CSMD1: variants seen among roughly 807,000 people sequenced by gnomAD.
The protein encoded by CSMD1 is CUB and Sushi multiple domains 1, also known as CUB and sushi domain-containing protein 1.
In CSMD1, 213 loss-of-function variants were observed where a neutral mutation model predicts 417.5. The ratio of observed to expected loss-of-function variants is 0.51; its 90% confidence interval spans 0.46 to 0.57. The LOEUF (loss-of-function observed/expected upper bound fraction) is 0.57, where lower values mean the gene tolerates loss of function less well. Ranked by LOEUF, CSMD1 falls within the 20% of genes least tolerant of loss-of-function variation. CSMD1 has a pLI of 0.00. For missense variants in CSMD1, 6,923 were observed against 4,529.7 expected (o/e 1.53, Z -15.17); for synonymous variants, 2,862 against 1,736.8 (o/e 1.65, Z -16.11).
chr8:4,869,600 T>G (rs895473787), intron 1 of CSMD1, among the ~76,000 whole-genome samples: 2 of 152,094 alleles, frequency 1.3e-5, no homozygotes, highest in Non-Finnish European at 2.9e-5. Flanking sequence ...GTTTAGTTAA[T>G]GATCACATTC....
At chr8:2,983,377 A>T (rs1289873761) in intron 54 of CSMD1, among the ~76,000 whole-genome samples, 3 of 151,974 alleles carry the variant, frequency 2.0e-5, no homozygotes, top group Non-Finnish European at 4.4e-5. Flanking sequence ...TAGTAGAGAC[A>T]GAGTTTCACT....
chr8:4,911,387 C>G (rs1390064165), intron 1 of CSMD1, among the ~76,000 whole-genome samples: 1 of 152,208 alleles, frequency 6.6e-6, no homozygotes, highest in Non-Finnish European at 1.5e-5. Context: ...GTTGGTCTTT[C>G]TCTAGATTTG....
chr8:3,022,634 A>T (rs1463056153), intron 51 of CSMD1, among the ~76,000 whole-genome samples: 1 of 152,126 alleles, frequency 6.6e-6, no homozygotes, highest in Non-Finnish European at 1.5e-5. Context: ...GAGTGTGACA[A>T]ATAAACATAA....
chr8:4,105,203 AG>A (rs1801506514), intron 3 of CSMD1, among the ~76,000 whole-genome samples: 1 of 152,208 alleles, frequency 6.6e-6, no homozygotes, highest in Admixed American at 6.5e-5. Flanking sequence ...GATTATTCCA[AG>A]GGCAGAAAAA....
At chr8:3,190,185 G>C (rs1796328095) in intron 33 of CSMD1, 70 bp from the exon 34 acceptor site, 1 of 1,208,806 alleles carries the variant, frequency 8.3e-7, no homozygotes, top group Non-Finnish European at 1.2e-6. Flanking sequence ...GTGGAACGTG[G>C]GTTTAAGATG....
At chr8:4,117,471 A>G (rs1193553262) in intron 3 of CSMD1, among the ~76,000 whole-genome samples, 1 of 152,028 alleles carries the variant, frequency 6.6e-6, no homozygotes, top group Non-Finnish European at 1.5e-5. Flanking sequence ...TCGTCTTAAT[A>G]AATGATGCAC....
chr8:4,479,833 G>T (rs117326318), intron 2 of CSMD1, among the ~76,000 whole-genome samples: 12 of 151,740 alleles, frequency 7.9e-5, no homozygotes, highest in Admixed American at 2.6e-4. Context: ...GCGTGGTGGC[G>T]CCCACTCCTT....
intron 1 of CSMD1, among the ~76,000 whole-genome samples, chr8:4,914,917 G>T (rs750581132): frequency 6.6e-6 from 1 of 152,064 alleles, no homozygotes; most frequent in Non-Finnish European, 1.5e-5. Context: ...CAGAAAACAG[G>T]AACAGAACAT....
intron 10 of CSMD1, among the ~76,000 whole-genome samples, chr8:3,572,241 A>G (rs1799975172): frequency 6.6e-6 from 1 of 152,162 alleles, no homozygotes; most frequent in South Asian, 2.1e-4. Context: ...CTGTGTCAAA[A>G]GGAGGAGAAG....
chr8:3,570,977 T>C (rs548842440), intron 10 of CSMD1, among the ~76,000 whole-genome samples: 40 of 152,304 alleles, frequency 2.6e-4, no homozygotes, highest in African/African-American at 9.4e-4. Flanking sequence ...ATCTTTCATA[T>C]AGAATAAAAA....
chr8:4,450,128 A>G (rs1799049782), intron 2 of CSMD1, among the ~76,000 whole-genome samples: 1 of 152,094 alleles, frequency 6.6e-6, no homozygotes, highest in Admixed American at 6.5e-5. Flanking sequence ...TTCTTTGTCC[A>G]TTGTTTTCCA....
At chr8:3,042,646 T>G (rs79893075) in intron 50 of CSMD1, among the ~76,000 whole-genome samples, 1 of 152,116 alleles carries the variant, frequency 6.6e-6, no homozygotes, top group African/African-American at 2.4e-5. Flanking sequence ...CCGAGCAACC[T>G]TGGGAAAGGT....
intron 5 of CSMD1, among the ~76,000 whole-genome samples, chr8:3,896,678 T>A (rs1185281440): frequency 6.6e-6 from 1 of 151,908 alleles, no homozygotes; most frequent in East Asian, 1.9e-4. Context: ...CACTGGCTAA[T>A]TTTTCTTATT....
chr8:4,568,011 A>G (rs536113076), intron 2 of CSMD1, among the ~76,000 whole-genome samples: 54 of 152,362 alleles, frequency 3.5e-4, no homozygotes, highest in African/African-American at 1.3e-3. Flanking sequence ...ACAGGGCTGG[A>G]TCAGAGCCCA....
At chr8:4,915,084 T>C (rs1057022705) in intron 1 of CSMD1, among the ~76,000 whole-genome samples, 5 of 152,168 alleles carry the variant, frequency 3.3e-5, no homozygotes, top group Non-Finnish European at 5.9e-5. Flanking sequence ...GTTTCTCAGA[T>C]GTAATATGGT....
chr8:4,462,006 G>T (rs971077465), intron 2 of CSMD1, among the ~76,000 whole-genome samples: 4 of 151,958 alleles, frequency 2.6e-5, no homozygotes, highest in Non-Finnish European at 2.9e-5. Flanking sequence ...CTCCCAAATT[G>T]CTGGGATTAC....
intron 1 of CSMD1, among the ~76,000 whole-genome samples, chr8:4,893,789 T>C (rs539325033): frequency 5.3e-5 from 8 of 152,296 alleles, no homozygotes; most frequent in African/African-American, 1.7e-4. Context: ...GTCACATTGT[T>C]CAGATTCCAA....
intron 5 of CSMD1, among the ~76,000 whole-genome samples, chr8:3,835,027 C>T (rs1028409885): frequency 6.6e-6 from 1 of 152,024 alleles, no homozygotes; most frequent in Non-Finnish European, 1.5e-5. Context: ...GACACCATCT[C>T]CCACCAGTTA....
chr8:4,488,878 T>C lies in CSMD1; in HGVS notation c.303-68813A>G, dbSNP rs572967217. On this transcript the variant is annotated intron_variant, in intron 2 of 69. Coordinates refer to ENST00000635120, the MANE Select transcript of CSMD1 (RefSeq NM_033225.6). The stretch of plus-strand genomic sequence containing the variant: ...CTTATGATAAAACGACAGAAATCCT[T>C]TCCTGCAGAATGTGCATGCCTTCAG... 3.1e-4 allele frequency among the ~76,000 whole-genome samples: 47 copies of C among 152,324 alleles called. No individual in the cohort carries two copies. In the South Asian group the frequency reaches 9.3e-3, roughly 30 times the overall value.
Sources: allele counts gnomAD v4.1 joint callset (sites outside exome capture counted in the v4.1 genomes callset), GRCh38; gene constraint gnomAD v4.1.1; transcripts MANE v1.5; gene names NCBI Gene and HGNC (gene_info 2026-07-23, HGNC 2026-07-21).